CFAP20DC: variants seen among roughly 807,000 people sequenced by gnomAD.
CFAP20DC encodes the protein protein CFAP20DC.
Under a neutral mutation model 101.7 loss-of-function variants are expected in CFAP20DC, and 84 were observed. That is an observed-to-expected ratio of 0.83 (90% CI 0.69 to 0.99). The LOEUF is 0.99. CFAP20DC is among the 50% of genes least tolerant of loss of function. The pLI is 0.00. For synonymous variants in CFAP20DC, 359 were observed against 351.2 expected (o/e 1.02, Z -0.25); for missense variants, 1,007 against 970.3 (o/e 1.04, Z -0.50).
intron 15 of CFAP20DC, among the ~76,000 whole-genome samples, chr3:58,770,826 G>GA (rs1484600630): frequency 6.6e-6 from 1 of 152,186 alleles, no homozygotes; most frequent in Non-Finnish European, 1.5e-5. Context: ...TGGAGAATAA[G>GA]ATAGGGACCA....
chr3:58,808,567 C>T (rs2074319284), intron 14 of CFAP20DC, among the ~76,000 whole-genome samples: 1 of 152,284 alleles, frequency 6.6e-6, no homozygotes, highest in Admixed American at 6.5e-5. Context: ...GAAGGAACCG[C>T]TAAACATGGA....
At position 58,863,357 on chromosome 3, in the gene CFAP20DC, G is replaced by C; in HGVS notation, c.1593+201C>G. The C allele has an allele frequency of 7.1e-7, 1 of 1,406,606 alleles. No individual in the cohort carries two copies. Among genetic ancestry groups the C allele is most frequent in the South Asian group, 1.7e-5 (1 of 58,292 alleles). The allele number at this position is 1,406,606 out of a possible 1,614,324, so 87.1% of individuals were successfully genotyped here. On this transcript the variant is annotated intron_variant, in intron 12 of 16. Transcript: ENST00000482387. This position sits in a 1 kb window ranked among gnomAD's most constrained non-coding sequence, Gnocchi z 5.9. ...GTTTCTATAAGTAAAAGTGAAATTG[G>C]CTGACTGTTAATTAAAAAAAAAAAA...
chr3:58,742,403 C>A lies in CFAP20DC; in HGVS notation c.*57G>T. 3.3e-6 allele frequency: 5 copies of A among 1,506,068 alleles called. No homozygotes were observed. In the Admixed American group the frequency reaches 6.2e-5, roughly 19 times the overall value. 93.3% of individuals were successfully genotyped at this position (1,506,068 alleles called of 1,614,324 possible). ...AGTTGTGGTGACTCCTTAAGCGACC[C>A]TGAACTGCTATTCTGCTCCAGCTGG... On this transcript the variant is annotated 3_prime_UTR_variant, in exon 17 of 17. Transcript: ENST00000482387.
chr3:58,818,105 C>T (rs975798967), intron 14 of CFAP20DC, among the ~76,000 whole-genome samples: 1 of 150,192 alleles, frequency 6.7e-6, no homozygotes, highest in Non-Finnish European at 1.5e-5. Context: ...GATTTTGTCA[C>T]CACCAGGCCT....
intron 4 of CFAP20DC, among the ~76,000 whole-genome samples, chr3:59,008,149 A>C (rs1017413033): frequency 3.9e-5 from 6 of 152,194 alleles, no homozygotes; most frequent in Non-Finnish European, 8.8e-5. Flanking sequence ...CCCCAGATTC[A>C]GGCCGACAGA....
At chr3:59,043,206 A>G (rs1034823467) in intron 3 of CFAP20DC, among the ~76,000 whole-genome samples, 3 of 149,868 alleles carry the variant, frequency 2.0e-5, no homozygotes, top group Admixed American at 1.3e-4. Flanking sequence ...AAGTGTAGAT[A>G]GAGTGCCAAC....
chr3:58,755,996 T>G (rs1054982189), intron 15 of CFAP20DC, among the ~76,000 whole-genome samples: 1 of 152,200 alleles, frequency 6.6e-6, no homozygotes, highest in African/African-American at 2.4e-5. Context: ...AAATTCAGTG[T>G]CCATAAATAA....
chr3:58,789,711 T>C (rs2072689008), intron 15 of CFAP20DC, among the ~76,000 whole-genome samples: 1 of 152,110 alleles, frequency 6.6e-6, no homozygotes, highest in African/African-American at 2.4e-5. Context: ...GGGTGATAAA[T>C]GGATTTTTGA....
Position 58,913,706 on chromosome 3 carries a change from A to G in CFAP20DC, c.550+2T>C. 6.2e-7 allele frequency: 1 copy of G among 1,613,494 alleles called. No individual in the cohort carries two copies. The highest frequency in any genetic ancestry group is 8.5e-7 in the Non-Finnish European group (1 of 1,179,642). On this transcript the variant is annotated splice_donor_variant, in intron 6 of 16. Transcript: ENST00000482387. LOFTEE classifies it high-confidence loss of function. This position sits in a 1 kb window ranked among gnomAD's most constrained non-coding sequence, Gnocchi z 4.4. ...AAAATCTTGATAGCAACCTGAACAT[A>G]CCATCCTTATCAGCAGTGTCTTGTG... is the stretch of plus-strand genomic sequence containing the variant.
intron 4 of CFAP20DC, among the ~76,000 whole-genome samples, chr3:58,972,227 G>C (rs2108379331): frequency 6.6e-6 from 1 of 152,214 alleles, no homozygotes; most frequent in Middle Eastern, 3.4e-3. Flanking sequence ...TACCCATGAG[G>C]GGAATCAATA....
At chr3:58,769,523 C>T (rs981136522) in intron 15 of CFAP20DC, among the ~76,000 whole-genome samples, 1 of 152,036 alleles carries the variant, frequency 6.6e-6, no homozygotes, top group Non-Finnish European at 1.5e-5. Context: ...AAGAGAAAGA[C>T]ATATAGATGA....
downstream of CFAP20DC, among the ~76,000 whole-genome samples, chr3:58,716,603 A>G (rs912211454): frequency 2.0e-5 from 3 of 152,130 alleles, no homozygotes; most frequent in African/African-American, 7.2e-5. Flanking sequence ...GAGCATCTGT[A>G]AATTATGGCA....
At chr3:58,941,455 T>G (rs938786316) in intron 4 of CFAP20DC, among the ~76,000 whole-genome samples, 1 of 152,168 alleles carries the variant, frequency 6.6e-6, no homozygotes, top group Non-Finnish European at 1.5e-5. Context: ...TAATTCACTC[T>G]TGAGTTCCAG....
intron 16 of CFAP20DC, among the ~76,000 whole-genome samples, chr3:58,751,598 T>C (rs1249254545): frequency 1.3e-5 from 2 of 152,202 alleles, no homozygotes; most frequent in Non-Finnish European, 2.9e-5. Flanking sequence ...TTTTAATTAA[T>C]GCTTTTCCTG....
chr3:58,836,665 C>T (rs1294341028), intron 13 of CFAP20DC, among the ~76,000 whole-genome samples: 2 of 152,068 alleles, frequency 1.3e-5, no homozygotes, highest in Admixed American at 1.3e-4. Flanking sequence ...CAGTATCAGG[C>T]TTGCATTGTG....
chr3:58,794,611 A>G (rs1357692667), intron 15 of CFAP20DC, among the ~76,000 whole-genome samples: 1 of 152,210 alleles, frequency 6.6e-6, no homozygotes, highest in Non-Finnish European at 1.5e-5. Flanking sequence ...CATTAACAAC[A>G]GAAACAAAAA....
At chr3:58,805,744 T>C (rs1455932271) in intron 15 of CFAP20DC, among the ~76,000 whole-genome samples, 4 of 152,214 alleles carry the variant, frequency 2.6e-5, no homozygotes, top group Non-Finnish European at 4.4e-5. Flanking sequence ...TATCAGAAAG[T>C]TGTAGAATAA....
At chr3:58,871,935 C>T (rs1437603400) in intron 7 of CFAP20DC, among the ~76,000 whole-genome samples, 1 of 152,142 alleles carries the variant, frequency 6.6e-6, no homozygotes, top group South Asian at 2.1e-4. Context: ...CGCCTCCTGA[C>T]TAGATGCAGA....
chr3:58,759,107 C>A (rs1191591941), intron 15 of CFAP20DC, among the ~76,000 whole-genome samples: 1 of 152,136 alleles, frequency 6.6e-6, no homozygotes, highest in Admixed American at 6.5e-5. Flanking sequence ...CCTGAGGAAT[C>A]GCCACACTGA....
Sources: gnomAD v4.1 joint callset for allele counts (sites outside exome capture counted in the v4.1 genomes callset) on GRCh38, gnomAD v4.1.1 for gene constraint, Gnocchi (gnomAD v3.1) non-coding constraint, MANE v1.5 for transcripts, NCBI Gene and HGNC (gene_info 2026-07-23, HGNC 2026-07-21) for gene names.